SUSD1: variants seen among roughly 807,000 people sequenced by gnomAD.
The protein encoded by SUSD1 is sushi domain-containing protein 1.
A neutral mutation model predicts 86.9 loss-of-function variants in SUSD1; 65 were observed. The ratio of observed to expected loss-of-function variants is 0.75; its 90% CI spans 0.61 to 0.92. SUSD1 has a LOEUF of 0.92. Ranked by LOEUF, SUSD1 falls within the 40% of genes least tolerant of loss-of-function variation. SUSD1 has a pLI of 0.00. For synonymous variants in SUSD1, 346 were observed against 350.0 expected (o/e 0.99, Z 0.13); for missense variants, 850 against 929.7 (o/e 0.91, Z 1.11).
chr9:112,099,230 T>C (rs1830527886), intron 9 of SUSD1, among the ~76,000 whole-genome samples: 1 of 152,160 alleles, frequency 6.6e-6, no homozygotes, highest in Non-Finnish European at 1.5e-5. Context: ...AATTAATTTG[T>C]AAAGACAGGA....
intron 10 of SUSD1, among the ~76,000 whole-genome samples, chr9:112,087,092 C>CTA (rs1166205141): frequency 1.3e-5 from 2 of 151,866 alleles, no homozygotes; most frequent in African/African-American, 4.8e-5. Context: ...AGGGGGAGTC[C>CTA]TATACATTAA....
intron 10 of SUSD1, among the ~76,000 whole-genome samples, chr9:112,088,018 C>T (rs923357975): frequency 2.0e-5 from 3 of 152,196 alleles, no homozygotes; most frequent in African/African-American, 7.2e-5. Context: ...AAGAATCAGG[C>T]TGCATCAGAC....
chr9:112,071,399 G>A (rs1444815961), intron 12 of SUSD1, among the ~76,000 whole-genome samples: 2 of 152,060 alleles, frequency 1.3e-5, no homozygotes, highest in African/African-American at 4.8e-5. Context: ...GTTTGAGGCT[G>A]CAGTAAGCTA....
intron 5 of SUSD1, among the ~76,000 whole-genome samples, chr9:112,133,521 A>G (rs1832123462): frequency 6.6e-6 from 1 of 152,266 alleles, no homozygotes; most frequent in South Asian, 2.1e-4. Flanking sequence ...CATATGCAGA[A>G]GAATGAAACT....
chr9:112,067,026 A>G (rs1829012399), intron 12 of SUSD1, among the ~76,000 whole-genome samples: 1 of 151,964 alleles, frequency 6.6e-6, no homozygotes, highest in African/African-American at 2.4e-5. Flanking sequence ...CAAGGCATAC[A>G]CCACCATGCA....
intron 13 of SUSD1, among the ~76,000 whole-genome samples, chr9:112,061,954 C>T (rs1192163114): frequency 6.6e-6 from 1 of 152,038 alleles, no homozygotes; most frequent in Non-Finnish European, 1.5e-5. Flanking sequence ...ATCTTCCTCT[C>T]TAAAAAAGGG....
intron 9 of SUSD1, among the ~76,000 whole-genome samples, chr9:112,101,081 C>T (rs1830613982): frequency 6.6e-6 from 1 of 151,590 alleles, no homozygotes; most frequent in Non-Finnish European, 1.5e-5. Flanking sequence ...TTAATTTTGG[C>T]CTGGGCGCGG....
intron 6 of SUSD1, among the ~76,000 whole-genome samples, chr9:112,121,933 AT>A (rs1421363760): frequency 6.6e-6 from 1 of 152,222 alleles, no homozygotes; most frequent in Non-Finnish European, 1.5e-5. Flanking sequence ...TCATGAGAAG[AT>A]CTTCACATGA....
At chr9:112,043,608 G>A (rs184819271) in intron 15 of SUSD1, among the ~76,000 whole-genome samples, 1 of 152,166 alleles carries the variant, frequency 6.6e-6, no homozygotes, top group South Asian at 2.1e-4. Flanking sequence ...CAATTCCTCT[G>A]TCTTGATAAA....
At chr9:112,068,167 G>C (rs1298857390) in intron 12 of SUSD1, among the ~76,000 whole-genome samples, 2 of 152,136 alleles carry the variant, frequency 1.3e-5, no homozygotes, top group Non-Finnish European at 2.9e-5. Flanking sequence ...AGCTGTGATG[G>C]AGTTATATAC....
chr9:112,120,147 AT>A (rs1831492319), intron 6 of SUSD1, among the ~76,000 whole-genome samples: 1 of 152,148 alleles, frequency 6.6e-6, no homozygotes, highest in East Asian at 1.9e-4. Flanking sequence ...TACAAAAAAC[AT>A]TTTTAAAATT....
At chr9:112,157,360 T>C (rs539709026) in intron 2 of SUSD1, 140 bp downstream of exon 2, 3 of 614,802 alleles carry the variant, frequency 4.9e-6, no homozygotes, top group South Asian at 2.1e-5. Flanking sequence ...CAAAGACTTA[T>C]TATAATTGAC....
Position 112,175,126 on chromosome 9 carries a change from C to T in SUSD1, c.103+7G>A. ...GGCCGCCCGTGCCCGTCCCAGCCCG[C>T]ACTCACCGTCGGGGCCCGGCGCTCC... On this transcript the variant is annotated splice_region_variant and intron_variant, in intron 1 of 16. Transcript: ENST00000374270. This position sits in a 1 kb window ranked among gnomAD's most constrained non-coding sequence, Gnocchi z 4.7. 1 of 1,040,088 alleles carries T rather than the reference C, an allele frequency of 9.6e-7. No homozygotes were observed. 64.4% of individuals were successfully genotyped at this position (1,040,088 alleles called of 1,614,324 possible).
chr9:112,141,304 C>G (rs1345558099), intron 5 of SUSD1, among the ~76,000 whole-genome samples: 3 of 152,224 alleles, frequency 2.0e-5, no homozygotes, highest in Non-Finnish European at 2.9e-5. Flanking sequence ...GGGACCACTA[C>G]AATGTGGTCC....
Position 112,042,065 on chromosome 9 carries a change from C to G in SUSD1, c.2150-105G>C, listed in dbSNP as rs901384009. 4.5e-6 allele frequency: 7 copies of G among 1,552,338 alleles called. No individual in the cohort carries two copies. In the African/African-American group the frequency reaches 8.2e-5, roughly 18 times the overall value. ...ATCCATTTTAACCCAGAGCTTGGCCCCATTTAACAAAGAATCCCAAGAATG... is the reference window on the plus strand; with the variant it reads ...ATCCATTTTAACCCAGAGCTTGGCCGCATTTAACAAAGAATCCCAAGAATG... On this transcript the variant is annotated intron_variant, in intron 15 of 16. Coordinates refer to ENST00000374270, the MANE Select transcript of SUSD1 (RefSeq NM_022486.5).
At chr9:112,161,820 CAAAAA>C (rs11354546) in intron 1 of SUSD1, among the ~76,000 whole-genome samples, 2 of 119,568 alleles carry the variant, frequency 1.7e-5, no homozygotes, top group African/African-American at 3.1e-5. Flanking sequence ...AGACTCCATC[CAAAAA>C]AAAAAAAAAA....
intron 14 of SUSD1, 137 bp downstream of exon 14, chr9:112,058,291 G>A: frequency 4.2e-6 from 5 of 1,187,750 alleles, no homozygotes; most frequent in Non-Finnish European, 5.7e-6. Context: ...TCTTCATAAA[G>A]GCAAAGTATT....
intron 6 of SUSD1, among the ~76,000 whole-genome samples, chr9:112,119,934 T>C (rs1831483243): frequency 1.3e-5 from 2 of 152,092 alleles, no homozygotes; most frequent in South Asian, 4.1e-4. Context: ...TCTACCCAGT[T>C]TGGAACTAAA....
chr9:112,140,462 C>A (rs1294168899), intron 5 of SUSD1, among the ~76,000 whole-genome samples: 1 of 151,014 alleles, frequency 6.6e-6, no homozygotes, highest in African/African-American at 2.4e-5. Context: ...ATGGCTTGAG[C>A]CCAGGAGCAC....
Sources: allele counts gnomAD v4.1 joint callset (sites outside exome capture counted in the v4.1 genomes callset), GRCh38; gene constraint gnomAD v4.1.1; non-coding constraint Gnocchi (gnomAD v3.1); transcripts MANE v1.5; gene names NCBI Gene and HGNC (gene_info 2026-07-23, HGNC 2026-07-21).